ROBO2: variants seen among roughly 807,000 people sequenced by gnomAD.
ROBO2 encodes the protein roundabout homolog 2.
ROBO2 carries 53 observed loss-of-function variants against 160.8 expected under a neutral mutation model. The observed-to-expected ratio is 0.33, with a 90% CI of 0.26 to 0.41. The LOEUF (loss-of-function observed/expected upper bound fraction) is 0.41, where lower values mean the gene tolerates loss of function less well. ROBO2 is among the 10% of genes least tolerant of loss of function. The pLI, the probability that ROBO2 is intolerant of heterozygous loss-of-function variation, is 1.00. For missense variants in ROBO2, 1,577 were observed against 1,722.4 expected (o/e 0.92, Z 1.49); for synonymous variants, 664 against 611.7 (o/e 1.09, Z -1.26).
intron 1 of ROBO2, among the ~76,000 whole-genome samples, chr3:75,921,106 A>C (rs1947024683): frequency 6.6e-6 from 1 of 152,020 alleles, no homozygotes; most frequent in Non-Finnish European, 1.5e-5. Context: ...ACATTAGTTG[A>C]AGCAGTTTCT....
At chr3:77,571,606 A>G (rs1466895437) in intron 13 of ROBO2, among the ~76,000 whole-genome samples, 3 of 152,068 alleles carry the variant, frequency 2.0e-5, no homozygotes, top group African/African-American at 7.2e-5. Context: ...TTTTTCCTTA[A>G]GACAACTCTT....
At chr3:76,254,743 GA>G (rs1382885328) in intron 2 of ROBO2, among the ~76,000 whole-genome samples, 2 of 151,762 alleles carry the variant, frequency 1.3e-5, no homozygotes, top group African/African-American at 2.4e-5. Flanking sequence ...CTCAGAGAGA[GA>G]GAGAGAGAGA....
intron 2 of ROBO2, among the ~76,000 whole-genome samples, chr3:76,151,001 G>A (rs1469704913): frequency 6.6e-6 from 1 of 152,036 alleles, no homozygotes; most frequent in Non-Finnish European, 1.5e-5. Flanking sequence ...GTTTCTCCAA[G>A]GTCCCCGACC....
intron 2 of ROBO2, among the ~76,000 whole-genome samples, chr3:76,004,572 G>T (rs1331796945): frequency 6.6e-6 from 1 of 152,158 alleles, no homozygotes; most frequent in African/African-American, 2.4e-5. Context: ...TTCAGAGGTG[G>T]CTGTCATTTT....
intron 2 of ROBO2, among the ~76,000 whole-genome samples, chr3:76,465,284 T>C (rs890468974): frequency 1.3e-5 from 2 of 152,080 alleles, no homozygotes; most frequent in Non-Finnish European, 1.5e-5. Context: ...TGCATATACA[T>C]GTATCATGAG....
intron 2 of ROBO2, among the ~76,000 whole-genome samples, chr3:77,294,732 T>G (rs2061829021): frequency 6.9e-6 from 1 of 145,974 alleles, no homozygotes; most frequent in East Asian, 2.0e-4. Context: ...AAATTGATGG[T>G]TAAACGGGTA....
intron 2 of ROBO2, among the ~76,000 whole-genome samples, chr3:77,410,699 T>TCCTCCTCCTCCTCCTCCTCCTCC (rs1560758742): frequency 2.4e-5 from 1 of 41,014 alleles, no homozygotes; most frequent in Non-Finnish European, 4.6e-5. Context: ...CCTCCTCCTC[T>TCCTCCTCCTCCTCCTCCTCCTCC]TCCTCCTCCT....
At chr3:76,051,152 A>C (rs1362512672) in intron 2 of ROBO2, among the ~76,000 whole-genome samples, 1 of 152,094 alleles carries the variant, frequency 6.6e-6, no homozygotes, top group Non-Finnish European at 1.5e-5. Flanking sequence ...AAATTGACTT[A>C]TGCACTTATT....
intron 2 of ROBO2, among the ~76,000 whole-genome samples, chr3:77,177,663 T>G (rs1431517458): frequency 6.6e-6 from 1 of 152,002 alleles, no homozygotes; most frequent in African/African-American, 2.4e-5. Flanking sequence ...ATGGGGGCCA[T>G]TGGATATGGA....
chr3:76,710,339 T>G (rs1309759296), intron 2 of ROBO2, among the ~76,000 whole-genome samples: 3 of 152,152 alleles, frequency 2.0e-5, no homozygotes, highest in Admixed American at 6.6e-5. Flanking sequence ...CAGGATGGTC[T>G]TGATCCCTTG....
At chr3:76,168,960 T>A (rs2072935094) in intron 2 of ROBO2, among the ~76,000 whole-genome samples, 1 of 151,888 alleles carries the variant, frequency 6.6e-6, no homozygotes, top group Admixed American at 6.6e-5. Context: ...TTATTTTCAT[T>A]GATTTCCTAA....
At chr3:76,030,750 T>G (rs2066892590) in intron 2 of ROBO2, among the ~76,000 whole-genome samples, 1 of 152,200 alleles carries the variant, frequency 6.6e-6, no homozygotes, top group African/African-American at 2.4e-5. Flanking sequence ...ACCAGTACCA[T>G]GCTGTTTTGG....
chr3:76,973,921 G>C (rs2059691299), intron 2 of ROBO2, among the ~76,000 whole-genome samples: 1 of 152,050 alleles, frequency 6.6e-6, no homozygotes, highest in South Asian at 2.1e-4. Context: ...GGTGGGGATG[G>C]GTGATAAACT....
At chr3:76,694,612 C>T (rs778678745) in intron 2 of ROBO2, among the ~76,000 whole-genome samples, 11 of 151,960 alleles carry the variant, frequency 7.2e-5, no homozygotes, top group South Asian at 2.1e-4. Flanking sequence ...CATAGGAAAG[C>T]GTTCCTATCT....
At chr3:76,166,416 T>A in intron 2 of ROBO2, among the ~76,000 whole-genome samples, 1 of 152,200 alleles carries the variant, frequency 6.6e-6, no homozygotes, top group Non-Finnish European at 1.5e-5. Context: ...TTTCTTATTC[T>A]CAGGCCAGTT....
rs2094311610 is a variant in ROBO2, at chr3:77,596,698, A to AGT, written c.2803_2804dup (p.Asn936Ter). The AGT allele has an allele frequency of 6.2e-7, 1 of 1,613,766 alleles. No homozygotes were observed. Among genetic ancestry groups the AGT allele is most frequent in the Non-Finnish European group, 8.5e-7 (1 of 1,179,908 alleles). ...ATTCTTGGCCAGCCACGAGCTTGCC[A>AGT]GTAAATAATAGCAACAGTGGCCCAA... On this transcript the variant is annotated frameshift_variant, in exon 19 of 26. Transcript: ENST00000461745. LOFTEE classifies it high-confidence loss of function.
intron 2 of ROBO2, among the ~76,000 whole-genome samples, chr3:76,284,198 A>G (rs972816019): frequency 8.5e-5 from 13 of 152,066 alleles, no homozygotes; most frequent in African/African-American, 3.1e-4. Context: ...GCGTACACAT[A>G]TAGGAAAATC....
At chr3:76,699,594 G>A (rs990757133) in intron 2 of ROBO2, among the ~76,000 whole-genome samples, 2 of 152,106 alleles carry the variant, frequency 1.3e-5, no homozygotes, top group African/African-American at 2.4e-5. Context: ...TCTGAAGAAC[G>A]TAGTTTCCTT....
intron 16 of ROBO2, among the ~76,000 whole-genome samples, chr3:77,582,408 T>G (rs1040014279): frequency 3.9e-5 from 6 of 152,178 alleles, no homozygotes; most frequent in Non-Finnish European, 8.8e-5. Context: ...TTTAATCCAA[T>G]CTAGCAATCT....
Sources: gnomAD v4.1 joint callset for allele counts (sites outside exome capture counted in the v4.1 genomes callset) on GRCh38, gnomAD v4.1.1 for gene constraint, MANE v1.5 for transcripts, NCBI Gene and HGNC (gene_info 2026-07-23, HGNC 2026-07-21) for gene names.